The following PCAT7 variants were observed in gnomAD, a reference collection of about 807,000 sequenced individuals.
PCAT7 encodes the protein prostate cancer associated transcript 7, also known as prostate cancer associated transcript 7 (non-protein coding).
intron 2 of PCAT7, among the ~76,000 whole-genome samples, chr9:94,565,458 T>C (rs1160169442): frequency 6.6e-6 from 1 of 152,150 alleles, no homozygotes; most frequent in Non-Finnish European, 1.5e-5. Flanking sequence ...CTTATATTTT[T>C]TGTTGTCTTT....
At chr9:94,559,652 C>G (rs1160644531) in intron 2 of PCAT7, among the ~76,000 whole-genome samples, 1 of 152,064 alleles carries the variant, frequency 6.6e-6, no homozygotes, top group Non-Finnish European at 1.5e-5. Flanking sequence ...AACTAGTTTG[C>G]CGGTGTTTCA....
At chr9:94,559,237 G>T in intron 2 of PCAT7, 1 of 948,596 alleles carries the variant, frequency 1.1e-6, no homozygotes, top group Non-Finnish European at 1.6e-6. Flanking sequence ...GCTTCCATCT[G>T]GCTAGCATGA....
At chr9:94,559,152 G>C in exon 2 of PCAT7, 1 of 1,603,086 alleles carries the variant, frequency 6.2e-7, no homozygotes, top group Non-Finnish European at 8.5e-7. Flanking sequence ...AACAGAGGCA[G>C]GTGAGTAAAC....
intron 2 of PCAT7, chr9:94,568,218 C>A (rs1282054119): frequency 6.6e-6 from 1 of 152,040 alleles, no homozygotes; most frequent in African/African-American, 2.4e-5. Flanking sequence ...CCACTCTTAC[C>A]TGGAGAAAAG....
intron 2 of PCAT7, among the ~76,000 whole-genome samples, chr9:94,563,943 T>C (rs1015585632): frequency 5.9e-5 from 9 of 152,130 alleles, no homozygotes; most frequent in Non-Finnish European, 1.2e-4. Context: ...GACTTAACTA[T>C]CCTAAATAAT....
chr9:94,564,806 CTAAAA>C (rs1827162492), intron 2 of PCAT7, among the ~76,000 whole-genome samples: 1 of 151,992 alleles, frequency 6.6e-6, no homozygotes, highest in African/African-American at 2.4e-5. Context: ...ACCCCTGAAT[CTAAAA>C]TAAAAGTGTA....
chr9:94,561,181 G>C (rs983960644), intron 2 of PCAT7, among the ~76,000 whole-genome samples: 1 of 151,986 alleles, frequency 6.6e-6, no homozygotes, highest in South Asian at 2.1e-4. Context: ...TTATCCTGTT[G>C]AGTCAACTAC....
intron 2 of PCAT7, chr9:94,571,611 G>C: frequency 6.2e-7 from 1 of 1,608,746 alleles, no homozygotes; most frequent in Non-Finnish European, 8.5e-7. Flanking sequence ...GTCTGTGGAA[G>C]AGAGGGATAA....
chr9:94,559,894 G>A (rs974380825), intron 2 of PCAT7, among the ~76,000 whole-genome samples: 5 of 152,228 alleles, frequency 3.3e-5, no homozygotes, highest in Non-Finnish European at 7.4e-5. Flanking sequence ...TTGGGAGGCC[G>A]AGGCAAAAGG....
intron 2 of PCAT7, among the ~76,000 whole-genome samples, chr9:94,560,824 C>CT: frequency 6.7e-6 from 1 of 149,978 alleles, no homozygotes; most frequent in Middle Eastern, 3.5e-3. Context: ...AACATGATGC[C>CT]TTTGGTCTAG....
chr9:94,563,723 G>A (rs1587836899), intron 2 of PCAT7, among the ~76,000 whole-genome samples: 2 of 98,444 alleles, frequency 2.0e-5, no homozygotes, highest in Admixed American at 1.4e-4. Flanking sequence ...TAAAAGAGCC[G>A]CTAAACAAAC....
chr9:94,560,760 A>G (rs1361631049), intron 2 of PCAT7, among the ~76,000 whole-genome samples: 1 of 148,078 alleles, frequency 6.8e-6, no homozygotes, highest in Non-Finnish European at 1.5e-5. Flanking sequence ...ATATATTTAT[A>G]TAATGTTATT....
At chr9:94,560,651 GAGAA>G (rs1453439771) in intron 2 of PCAT7, among the ~76,000 whole-genome samples, 4 of 150,642 alleles carry the variant, frequency 2.7e-5, no homozygotes, top group African/African-American at 7.3e-5. Flanking sequence ...AAACTACTTT[GAGAA>G]AGAGTCATAT....
chr9:94,572,481 C>T (rs1022467298), intron 2 of PCAT7, among the ~76,000 whole-genome samples: 12 of 152,284 alleles, frequency 7.9e-5, no homozygotes, highest in Admixed American at 1.3e-4. Flanking sequence ...ATGTTCTTGC[C>T]TCCATGTTCT....
At chr9:94,564,805 T>C (rs1218663400) in intron 2 of PCAT7, among the ~76,000 whole-genome samples, 1 of 152,128 alleles carries the variant, frequency 6.6e-6, no homozygotes, top group Non-Finnish European at 1.5e-5. Flanking sequence ...TACCCCTGAA[T>C]CTAAAATAAA....
intron 2 of PCAT7, among the ~76,000 whole-genome samples, chr9:94,560,011 G>A (rs113962593): frequency 0.011 from 1,627 of 152,268 alleles, 7 homozygotes; most frequent in Non-Finnish European, 0.016. Flanking sequence ...TGTGATCCCA[G>A]CTATTCAGGA....
At chr9:94,572,292 A>T (rs642477) in intron 2 of PCAT7, among the ~76,000 whole-genome samples, 73,820 of 151,766 alleles carry the variant, frequency 0.49, 18,586 homozygotes, top group African/African-American at 0.61. Context: ...CTTAGCTGCT[A>T]CATTTGTATT....
intron 2 of PCAT7, among the ~76,000 whole-genome samples, chr9:94,562,309 C>CAAAAAA (rs397893359): frequency 2.8e-5 from 2 of 72,122 alleles, no homozygotes; most frequent in African/African-American, 5.7e-5. Context: ...GACTCCATCT[C>CAAAAAA]AAAAAAAAAA....
chr9:94,563,751 C>T (rs763792686), intron 2 of PCAT7, among the ~76,000 whole-genome samples: 12 of 152,082 alleles, frequency 7.9e-5, no homozygotes, highest in Non-Finnish European at 2.9e-5. Flanking sequence ...AAGGAAGTCA[C>T]CCATCCCACA....
Sources: gnomAD v4.1 joint callset for allele counts (sites outside exome capture counted in the v4.1 genomes callset) on GRCh38, gnomAD v4.1.1 for gene constraint, MANE v1.5 for transcripts, NCBI Gene and HGNC (gene_info 2026-07-23, HGNC 2026-07-21) for gene names.